Variants in RPGR observed in about 807,000 individuals in gnomAD.
RPGR encodes X-linked retinitis pigmentosa GTPase regulator.
In RPGR, 10 loss-of-function variants were observed where a neutral mutation model predicts 56.3. The ratio of observed to expected loss-of-function variants is 0.18; its 90% CI spans 0.11 to 0.30. The LOEUF (loss-of-function observed/expected upper bound fraction) is 0.30. RPGR is among the 10% of genes least tolerant of loss of function. The pLI is 1.00. For synonymous variants in RPGR, 197 were observed against 212.9 expected (o/e 0.93, Z 0.65); for missense variants, 538 against 590.9 (o/e 0.91, Z 0.93).
At chrX:38,287,411 C>A in intron 14 of RPGR, 166 bp from the exon 15 acceptor site, 1 of 821,272 alleles carries the variant, frequency 1.2e-6, no homozygotes, top group Admixed American at 2.2e-5. Flanking sequence ...TCTATTGCCT[C>A]AGGCTGCTGG....
At chrX:38,277,656 C>A (rs144434377) in intron 15 of RPGR, among the ~76,000 whole-genome samples, 1,264 of 111,288 alleles carry the variant, frequency 0.011, 21 homozygotes, top group African/African-American at 0.039. Context: ...GTTATCAGTG[C>A]CATTTACTCC....
At position 38,309,067 on chromosome X, in the gene RPGR, T is replaced by C. The variant is rs1287650747; in HGVS notation, c.778+1548A>G. Among the ~76,000 whole-genome samples the C allele has an allele frequency of 1.1e-4, 12 of 112,224 alleles. No individual in the cohort carries two copies. In the East Asian group the frequency reaches 3.3e-3, roughly 31 times the overall value. On this transcript the variant is annotated intron_variant, in intron 7 of 18. Transcript: ENST00000642395. ...TGCAAAAAATATAATAATAATTCAC[T>C]ACCTAATTGTATTATGTACATTACT... is the stretch of plus-strand genomic sequence containing the variant.
chrX:38,278,317 T>C (rs1172956776), intron 15 of RPGR, among the ~76,000 whole-genome samples: 2 of 112,583 alleles, frequency 1.8e-5, no homozygotes, highest in Admixed American at 9.4e-5. Flanking sequence ...CTTGGCTCAC[T>C]GCAACCTCCA....
At position 38,327,252 on chromosome X, in the gene RPGR, C is replaced by G. The variant is rs183560823; in HGVS notation, c.28+88G>C. 1.7e-3 allele frequency: 1,651 copies of G among 962,127 alleles called. 27 individuals carry two copies. In the East Asian group the frequency reaches 0.046, roughly 27 times the overall value. 79.3% of individuals were successfully genotyped at this position (962,127 alleles called of 1,213,427 possible). On this transcript the variant is annotated intron_variant, in intron 1 of 18. Transcript: ENST00000642395. ...TCCGGCTGCCAAGCCTGGGGCCTGT[C>G]CCCCTACAGGGCCGATCCGGAGGCG...
At chrX:38,270,458 C>CAAAAAAAAAA (rs771458538) in intron 18 of RPGR, among the ~76,000 whole-genome samples, 2 of 76,553 alleles carry the variant, frequency 2.6e-5, no homozygotes, top group Non-Finnish European at 4.9e-5. Flanking sequence ...ACTACAAATA[C>CAAAAAAAAAA]AAAAAAAAAA....
chrX:38,275,070 T>C lies in RPGR; in HGVS notation c.2149+19A>G. The C allele has an allele frequency of 8.5e-7, 1 of 1,176,541 alleles. No individual in the cohort carries two copies. ...GTATGTATGTATGTATATATGTATG[T>C]TATCAAATGTGCTCATACCTTTTGG... is the stretch of plus-strand genomic sequence containing the variant. On this transcript the variant is annotated intron_variant, in intron 17 of 18. Coordinates refer to ENST00000642395, the MANE Select transcript of RPGR (RefSeq NM_000328.3).
At chrX:38,326,952 G>C (rs2068057684) in intron 1 of RPGR, 2 of 153,343 alleles carry the variant, frequency 1.3e-5, no homozygotes, top group African/African-American at 6.3e-5. Flanking sequence ...CAGCTACTCG[G>C]AGGCTAAGGC....
chrX:38,282,711 T>C (rs1228662188), intron 15 of RPGR, among the ~76,000 whole-genome samples: 2 of 111,705 alleles, frequency 1.8e-5, no homozygotes, highest in African/African-American at 6.5e-5. Context: ...TGTAAGTGTA[T>C]AGCAAGTTTC....
chrX:38,304,957 A>T (rs1339166146), intron 7 of RPGR, 167 bp from the exon 8 acceptor site: 1 of 467,318 alleles, frequency 2.1e-6, no homozygotes, highest in Non-Finnish European at 3.7e-6. Flanking sequence ...TCTTTCAATG[A>T]TGAAGGAAGA....
intron 7 of RPGR, among the ~76,000 whole-genome samples, chrX:38,309,743 G>A (rs1191753870): frequency 2.7e-5 from 3 of 111,254 alleles, no homozygotes; most frequent in African/African-American, 9.8e-5. Flanking sequence ...CAGGAGAATC[G>A]CTTGAACTCA....
At chrX:38,305,147 G>A (rs899284279) in intron 7 of RPGR, among the ~76,000 whole-genome samples, 1 of 111,639 alleles carries the variant, frequency 9.0e-6, no homozygotes, top group East Asian at 2.8e-4. Flanking sequence ...CGGTCGCAAC[G>A]GCTCACACCT....
chrX:38,286,885 C>G lies in RPGR; in HGVS notation c.1905+209G>C, dbSNP rs774417183. ...CTTTTGCTCCTGCTCTTCCCCATCC[C>G]TCTTCTTCCATTCTTCCTTCTCTGC... On this transcript the variant is annotated intron_variant, in intron 15 of 18. Transcript: ENST00000642395. The G allele has an allele frequency of 2.5e-6, 3 of 1,202,109 alleles. No individual in the cohort carries two copies. The African/African-American group carries it at 5.4e-5, about 22-fold the overall frequency.
intron 18 of RPGR, among the ~76,000 whole-genome samples, chrX:38,270,753 T>C (rs771800124): frequency 4.5e-5 from 5 of 110,004 alleles, no homozygotes; most frequent in African/African-American, 1.0e-4. Flanking sequence ...ATGTAGAATA[T>C]AGATAATAGC....
At chrX:38,319,930 G>C (rs1289005196) in intron 4 of RPGR, among the ~76,000 whole-genome samples, 1 of 111,682 alleles carries the variant, frequency 9.0e-6, no homozygotes, top group East Asian at 2.8e-4. Context: ...TAAAGTTATT[G>C]TTATTTTTAT....
In RPGR at chrX:38,269,653, T is replaced by A; in HGVS notation, c.2421A>T (p.Arg807Ser). ...ATAGTATTGTACAGGATTTTGATCT[T>A]CTCTCTGTATTTGTTGGTGGGATAT... The change falls in exon 19 of 19, where the codon AGA becomes AGT. Residue 807 changes from arginine (R) to serine (S), a missense_variant. Coordinates refer to ENST00000642395, the MANE Select transcript of RPGR (RefSeq NM_000328.3). 8.3e-7 allele frequency: 1 copy of A among 1,203,873 alleles called. No homozygotes were observed. Among genetic ancestry groups the A allele is most frequent in the Non-Finnish European group, 1.1e-6 (1 of 888,405 alleles).
At position 38,318,822 on chromosome X, in the gene RPGR, G is replaced by A; in HGVS notation, c.469+7C>T. ...GTGTCCCAGACTGAAAAAGAAACAA[G>A]TCTCACCAGTTAGGGCAGCTGAAGT... is the stretch of plus-strand genomic sequence containing the variant. On this transcript the variant is annotated splice_region_variant and intron_variant, in intron 5 of 18. Coordinates refer to ENST00000642395, the MANE Select transcript of RPGR (RefSeq NM_000328.3). The A allele has an allele frequency of 8.3e-7, 1 of 1,211,012 alleles. No individual in the cohort carries two copies. The highest frequency in any genetic ancestry group is 1.1e-6 in the Non-Finnish European group (1 of 894,844).
chrX:38,275,122 G>A lies in RPGR; in HGVS notation c.2116C>T (p.Arg706Trp), dbSNP rs780639887. 26 of 1,207,731 alleles carry A rather than the reference G, an allele frequency of 2.2e-5. No homozygotes were observed. The highest frequency in any genetic ancestry group is 8.8e-5 in the Admixed American group (4 of 45,694). ...TTTTCATTGTACTCACAAATGGCCCGTTCCTCTAGGTTGGCTTTTTCTTTC... is the reference window on the plus strand; with the variant it reads ...TTTTCATTGTACTCACAAATGGCCCATTCCTCTAGGTTGGCTTTTTCTTTC... Residue 706 changes from arginine to tryptophan, a missense_variant, in exon 17 of 19, where the codon CGG becomes TGG. Transcript: ENST00000642395.
At chrX:38,292,670 T>C (rs1305825786) in intron 11 of RPGR, among the ~76,000 whole-genome samples, 2 of 112,800 alleles carry the variant, frequency 1.8e-5, no homozygotes, top group Non-Finnish European at 3.7e-5. Context: ...TGTTTGGGTA[T>C]ACATATACTA....
chrX:38,322,773 T>C, intron 3 of RPGR, 80 bp downstream of exon 3: 1 of 747,593 alleles, frequency 1.3e-6, no homozygotes, highest in South Asian at 2.3e-5. Context: ...AAAAGCTTTA[T>C]TATTTATGAC....
Sources: allele counts gnomAD v4.1 joint callset (sites outside exome capture counted in the v4.1 genomes callset), GRCh38; gene constraint gnomAD v4.1.1; transcripts MANE v1.5; gene names NCBI Gene and HGNC (gene_info 2026-07-23, HGNC 2026-07-21).